COL26A1: variants seen among roughly 807,000 people sequenced by gnomAD.
COL26A1 encodes the protein collagen alpha-1(XXVI) chain.
In COL26A1, 41 loss-of-function variants were observed where a neutral mutation model predicts 59.3. That is an observed-to-expected ratio of 0.69 (90% confidence interval 0.54 to 0.90). The LOEUF (loss-of-function observed/expected upper bound fraction) is 0.90, where lower values mean the gene tolerates loss of function less well. Among genes scored for constraint, COL26A1 ranks in the 40% least tolerant of loss-of-function variants. The probability of loss-of-function intolerance (pLI) is 0.00; values close to 1 mark genes in which losing one functional copy is unlikely to be tolerated. For missense variants in COL26A1, 612 were observed against 602.3 expected (o/e 1.02, Z -0.17); for synonymous variants, 266 against 256.0 (o/e 1.04, Z -0.37).
intron 1 of COL26A1, among the ~76,000 whole-genome samples, chr7:101,412,403 G>T (rs533577365): frequency 6.6e-6 from 1 of 152,216 alleles, no homozygotes; most frequent in Non-Finnish European, 1.5e-5. Context: ...CCAGCACTTT[G>T]GGAGGCCCAG....
intron 1 of COL26A1, among the ~76,000 whole-genome samples, chr7:101,365,209 T>C (rs1791014367): frequency 6.6e-6 from 1 of 152,170 alleles, no homozygotes; most frequent in Non-Finnish European, 1.5e-5. Flanking sequence ...CATATGAGGA[T>C]TGTCTAAAAA....
chr7:101,432,134 G>A (rs969518563), intron 2 of COL26A1, among the ~76,000 whole-genome samples: 2 of 151,918 alleles, frequency 1.3e-5, no homozygotes, highest in African/African-American at 4.8e-5. Flanking sequence ...CTAATTTTTT[G>A]TATTTTTAGT....
rs1584503131 is a variant in COL26A1, at chr7:101,545,193, A to G, written c.704-145A>G. ...TTACACCCCAGGACACCCCCAAGGA[A>G]GACTGTGGATCGGAGGTCACCACTG... On this transcript the variant is annotated intron_variant, in intron 6 of 12. Coordinates refer to ENST00000313669, the MANE Select transcript of COL26A1 (RefSeq NM_001278563.3). 8 of 658,548 alleles carry G rather than the reference A, an allele frequency of 1.2e-5. No homozygotes were observed. In the East Asian group the frequency reaches 1.9e-4, roughly 16 times the overall value. The allele number at this position is 658,548 out of a possible 1,614,324, so 40.8% of individuals were successfully genotyped here.
chr7:101,378,636 G>A (rs545316937), intron 1 of COL26A1, among the ~76,000 whole-genome samples: 3 of 152,092 alleles, frequency 2.0e-5, no homozygotes, highest in East Asian at 1.9e-4. Flanking sequence ...CACCAAGACC[G>A]GTGGGGGGAC....
intron 12 of COL26A1, among the ~76,000 whole-genome samples, chr7:101,556,095 T>TG (rs1209738704): frequency 6.6e-6 from 1 of 152,126 alleles, no homozygotes; most frequent in Non-Finnish European, 1.5e-5. Context: ...ATAGCCATGG[T>TG]GGGCAGAGCC....
At chr7:101,393,818 C>G (rs1791789743) in intron 1 of COL26A1, among the ~76,000 whole-genome samples, 3 of 152,018 alleles carry the variant, frequency 2.0e-5, no homozygotes, top group Admixed American at 6.6e-5. Context: ...GTGATCCTAG[C>G]TCACTACAGC....
chr7:101,447,666 A>G lies in COL26A1; in HGVS notation c.282-18A>G. 2.0e-6 allele frequency: 3 copies of G among 1,525,984 alleles called. No individual in the cohort carries two copies. Among genetic ancestry groups the G allele is most frequent in the Non-Finnish European group, 2.7e-6 (3 of 1,117,460 alleles). The allele number at this position is 1,525,984 out of a possible 1,614,324, so 94.5% of individuals were successfully genotyped here. On this transcript the variant is annotated intron_variant, in intron 2 of 12. Transcript: ENST00000313669. ...GTGGGTGGGAGCTCATGCCCCCCTGACGCTGTCTGTGTGTTAGTTACAGGA... is the reference window on the plus strand; with the variant it reads ...GTGGGTGGGAGCTCATGCCCCCCTGGCGCTGTCTGTGTGTTAGTTACAGGA...
chr7:101,487,913 G>T (rs1470438432), intron 3 of COL26A1, among the ~76,000 whole-genome samples: 5 of 152,104 alleles, frequency 3.3e-5, no homozygotes, highest in African/African-American at 7.2e-5. Flanking sequence ...TAGAGATGGG[G>T]TCTCACTATA....
At chr7:101,456,375 A>AT (rs370475800) in intron 3 of COL26A1, among the ~76,000 whole-genome samples, 2 of 151,514 alleles carry the variant, frequency 1.3e-5, no homozygotes, top group African/African-American at 4.9e-5. Context: ...TGCTGAGCTA[A>AT]TTAAAAAAAA....
intron 3 of COL26A1, among the ~76,000 whole-genome samples, chr7:101,512,380 A>G (rs1281299761): frequency 1.3e-5 from 2 of 152,154 alleles, no homozygotes; most frequent in Non-Finnish European, 2.9e-5. Context: ...GCACTTTGGG[A>G]GGCCAAGGTG....
intron 2 of COL26A1, among the ~76,000 whole-genome samples, chr7:101,439,483 G>A: frequency 6.8e-6 from 1 of 148,000 alleles, no homozygotes; most frequent in East Asian, 2.0e-4. Context: ...GAACCCAGGA[G>A]GCGGAGGTTG....
chr7:101,528,271 A>G (rs1022105531), intron 3 of COL26A1, among the ~76,000 whole-genome samples: 1 of 152,098 alleles, frequency 6.6e-6, no homozygotes, highest in Non-Finnish European at 1.5e-5. Flanking sequence ...CTCCCCCTCC[A>G]TCCGCTGAAC....
At chr7:101,362,776 C>A, upstream of COL26A1, 1 of 512,936 alleles carries the variant, frequency 1.9e-6, no homozygotes, top group South Asian at 2.4e-5. Flanking sequence ...CTCCTCGGCC[C>A]CGGACCGCCG....
rs1292481765 is a variant in COL26A1 at position 101,458,619 on chromosome 7, AG to A, written c.385+10833del. 4.0e-5 allele frequency among the ~76,000 whole-genome samples: 6 copies of A among 151,652 alleles called. No homozygotes were observed. The East Asian group carries it at 9.7e-4, about 24-fold the overall frequency. Reference sequence around the variant, plus strand: ...AGCCAAGATCACACCACGGCACTCCAGCCTGGGCAATGTGAGTGAAAACTCT... The same window carrying A: ...AGCCAAGATCACACCACGGCACTCCACCTGGGCAATGTGAGTGAAAACTCT... On this transcript the variant is annotated intron_variant, in intron 3 of 12. Transcript: ENST00000313669.
At chr7:101,505,095 G>A (rs1195745229) in intron 3 of COL26A1, among the ~76,000 whole-genome samples, 1 of 152,046 alleles carries the variant, frequency 6.6e-6, no homozygotes, top group Admixed American at 6.6e-5. Context: ...CAGAGATGGC[G>A]CTATTGCACT....
chr7:101,379,432 GTC>G (rs1399919502), intron 1 of COL26A1, among the ~76,000 whole-genome samples: 2 of 152,148 alleles, frequency 1.3e-5, no homozygotes, highest in African/African-American at 2.4e-5. Flanking sequence ...TGTGCTCCTG[GTC>G]TCTCTTGGTG....
chr7:101,391,493 A>C (rs1406243172), intron 1 of COL26A1, among the ~76,000 whole-genome samples: 1 of 152,072 alleles, frequency 6.6e-6, no homozygotes, highest in African/African-American at 2.4e-5. Context: ...TTTCTCATTT[A>C]GTCCTTCTAG....
At chr7:101,459,678 A>C (rs1793564440) in intron 3 of COL26A1, among the ~76,000 whole-genome samples, 1 of 152,014 alleles carries the variant, frequency 6.6e-6, no homozygotes, top group Non-Finnish European at 1.5e-5. Context: ...GAAGAGATTT[A>C]CCACAAAGTT....
intron 4 of COL26A1, among the ~76,000 whole-genome samples, chr7:101,537,947 C>T (rs1795515177): frequency 6.6e-6 from 1 of 152,116 alleles, no homozygotes; most frequent in Non-Finnish European, 1.5e-5. Flanking sequence ...AACTTATCAC[C>T]TTCACTCCCA....
Sources: gnomAD v4.1 joint callset for allele counts (sites outside exome capture counted in the v4.1 genomes callset) on GRCh38, gnomAD v4.1.1 for gene constraint, MANE v1.5 for transcripts, NCBI Gene and HGNC (gene_info 2026-07-23, HGNC 2026-07-21) for gene names.